Variants in BAHCC1 observed in about 807,000 individuals in gnomAD.
The protein encoded by BAHCC1 is BAH domain and coiled-coil containing 1.
BAHCC1 carries 43 observed loss-of-function variants against 88.2 expected under a neutral mutation model. That is an observed-to-expected ratio of 0.49 (90% confidence interval 0.38 to 0.63). The LOEUF is 0.63. BAHCC1 is among the 20% of genes least tolerant of loss of function. BAHCC1 has a pLI of 0.00. For missense variants in BAHCC1, 3,023 were observed against 1,654.8 expected, an observed-to-expected ratio of 1.83 and a Z score of -14.34; for synonymous variants, 1,510 against 745.5, an observed-to-expected ratio of 2.03 and a Z score of -16.71.
Position 81,458,441 on chromosome 17 carries a change from G to A in BAHCC1, c.5318G>A (p.Gly1773Asp). The change falls in exon 18 of 28, where the codon GGC (glycine) becomes GAC (aspartate). Residue 1773 changes from glycine (G) to aspartate (D), a missense_variant. Transcript: ENST00000675386. ...SERLKRATRK[G>D]TVLQPVLRRK... is the part of the protein sequence containing the mutation. ...CGCCTCAAGAGGGCCACGCGCAAGG[G>A]CACAGTGCTGCAGCCAGTGCTGCGG... The A allele has an allele frequency of 1.4e-6, 1 of 731,566 alleles. No individual in the cohort carries two copies. Among genetic ancestry groups the A allele is most frequent in the Non-Finnish European group, 2.5e-6 (1 of 397,366 alleles). The allele number at this position is 731,566 out of a possible 1,614,324, so 45.3% of individuals were successfully genotyped here. A position where few individuals can be genotyped will look rare whatever the true frequency, so the allele number is the denominator to read the frequency against.
intron 3 of BAHCC1, among the ~76,000 whole-genome samples, chr17:81,436,542 G>A (rs1204665825): frequency 5.3e-5 from 8 of 152,262 alleles, no homozygotes; most frequent in Non-Finnish European, 1.0e-4. Flanking sequence ...AGCTGTGGAG[G>A]TTTAACAGTA....
chr17:81,430,371 A>G (rs995620952), intron 3 of BAHCC1, among the ~76,000 whole-genome samples: 1 of 151,990 alleles, frequency 6.6e-6, no homozygotes, highest in Non-Finnish European at 1.5e-5. Context: ...GGGGGGAGCC[A>G]TGGGGGCGGC....
intron 14 of BAHCC1, among the ~76,000 whole-genome samples, chr17:81,454,490 A>T (rs1433309975): frequency 6.6e-6 from 1 of 152,140 alleles, no homozygotes; most frequent in Non-Finnish European, 1.5e-5. Flanking sequence ...GAGCCCGGCA[A>T]CGGGGTCCCT....
At chr17:81,443,785 G>A (rs113391801) in intron 5 of BAHCC1, 24 bp from the exon 6 acceptor site, 54,417 of 706,786 alleles carry the variant, frequency 0.077, 2,509 homozygotes, top group Middle Eastern at 0.1. Flanking sequence ...ACCCTCTCCC[G>A]TCTGCTGTCT....
intron 2 of BAHCC1, among the ~76,000 whole-genome samples, chr17:81,415,762 C>G (rs2064012609): frequency 6.6e-6 from 1 of 152,254 alleles, no homozygotes; most frequent in African/African-American, 2.4e-5. Context: ...GCTGTCCCTG[C>G]TCCCTGACCT....
Position 81,456,485 on chromosome 17 carries a change from G to C in BAHCC1, c.4758G>C (p.Lys1586Asn). The change falls in exon 16 of 28, where the codon AAG (lysine) becomes AAC (asparagine). Residue 1586 changes from lysine to asparagine, a missense_variant. Coordinates refer to ENST00000675386, the MANE Select transcript of BAHCC1 (RefSeq NM_001377448.1). ...AGCTGTCCCGAGCCAAGAGTGCCAA[G>C]GTGTCTGGGGCCACACGGCACCCAC... ...REKLSRAKSA[K>N]VSGATRHPQP... 1.4e-6 allele frequency: 1 copy of C among 720,380 alleles called. No individual in the cohort carries two copies. Among genetic ancestry groups the C allele is most frequent in the Non-Finnish European group, 2.6e-6 (1 of 386,980 alleles). 44.6% of individuals were successfully genotyped at this position (720,380 alleles called of 1,614,324 possible).
At chr17:81,419,940 C>T (rs2064096032) in intron 2 of BAHCC1, among the ~76,000 whole-genome samples, 1 of 152,198 alleles carries the variant, frequency 6.6e-6, no homozygotes, top group African/African-American at 2.4e-5. Context: ...TCCTCTTGTT[C>T]CGTCTGCCTT....
chr17:81,464,218 T>A lies in BAHCC1; in HGVS notation c.*401T>A, dbSNP rs1187753407. The A allele has an allele frequency of 1.9e-5, 5 of 267,816 alleles. No individual in the cohort carries two copies. Among genetic ancestry groups the A allele is most frequent in the African/African-American group, 6.5e-5 (3 of 45,976 alleles). The allele number at this position is 267,816 out of a possible 1,614,324, so 16.6% of individuals were successfully genotyped here. The stretch of plus-strand genomic sequence containing the variant: ...TTTATTTCTCTATGTAAATATTGTA[T>A]TTCTGCGGGGAAATTTTATGGTAAA... On this transcript the variant is annotated 3_prime_UTR_variant, in exon 28 of 28. Transcript: ENST00000675386.
Position 81,447,060 on chromosome 17 carries a change from C to T in BAHCC1, c.3188C>T (p.Pro1063Leu), listed in dbSNP as rs2064542434. 2 of 779,400 alleles carry T rather than the reference C, an allele frequency of 2.6e-6. No individual in the cohort carries two copies. Among genetic ancestry groups the T allele is most frequent in the East Asian group, 4.8e-5 (2 of 41,250 alleles). 48.3% of individuals were successfully genotyped at this position (779,400 alleles called of 1,614,324 possible). Residue 1063 changes from proline to leucine, a missense_variant, in exon 11 of 28, where the codon CCC becomes CTC. Physicochemically the swap from Pro to Leu is moderately conservative, Grantham distance 98. Transcript: ENST00000675386. ...EPDLPPGYLR[P>L]MAGLGFSLPS... The stretch of plus-strand genomic sequence containing the variant: ...GACCTGCCTCCCGGATACCTGCGCC[C>T]CATGGCTGGCCTGGGCTTCTCCCTA...
In BAHCC1 at chr17:81,458,911, C is replaced by G. The variant is rs199934043; in HGVS notation, c.5547C>G (p.Asp1849Glu). The G allele has an allele frequency of 7.0e-5, 54 of 770,986 alleles. No individual in the cohort carries two copies. Among genetic ancestry groups the G allele is most frequent in the Non-Finnish European group, 1.1e-4 (45 of 412,578 alleles). 47.8% of individuals were successfully genotyped at this position (770,986 alleles called of 1,614,324 possible). Reference sequence around the variant, plus strand: ...GCAGCTTCTCGGAAGAGGAGGAGGACGAGGAGGAAGAGGAGGAGGACAGCG... The same window carrying G: ...GCAGCTTCTCGGAAGAGGAGGAGGAGGAGGAGGAAGAGGAGGAGGACAGCG... ...DNSSFSEEEEDEEEEEEDSGP... is the reference protein window; with the variant it reads ...DNSSFSEEEEEEEEEEEDSGP... The change falls in exon 20 of 28, where the codon GAC becomes GAG. Residue 1849 changes from aspartate (D) to glutamate (E), a missense_variant. Transcript: ENST00000675386.
At position 81,451,758 on chromosome 17, in the gene BAHCC1, G is replaced by A. The variant is rs782393100; in HGVS notation, c.4067G>A (p.Ser1356Asn). ...CTGGTGGAGGCCGCTGGCCTGGACA[G>A]CTCCACTGCCCCAGCGCAGCCGCCC... ...WSLVEAAGLD[S>N]STAPAQPPTA... The change falls in exon 12 of 28, where the codon AGC becomes AAC. Residue 1356 changes from serine to asparagine, a missense_variant. Transcript: ENST00000675386. The A allele has an allele frequency of 3.9e-6, 3 of 772,416 alleles. No homozygotes were observed. In the South Asian group the frequency reaches 4.0e-5, roughly 10 times the overall value. The allele number at this position is 772,416 out of a possible 1,614,324, so 47.8% of individuals were successfully genotyped here.
At chr17:81,412,415 G>T (rs2063965725) in intron 2 of BAHCC1, among the ~76,000 whole-genome samples, 1 of 152,254 alleles carries the variant, frequency 6.6e-6, no homozygotes, top group African/African-American at 2.4e-5. Flanking sequence ...AATTCAAAAA[G>T]TGTATGTGAG....
chr17:81,418,810 C>CGTGTGTGT (rs70938163), intron 2 of BAHCC1, among the ~76,000 whole-genome samples: 4,950 of 146,376 alleles, frequency 0.034, 94 homozygotes, highest in Middle Eastern at 0.049. Context: ...TGTGTGTGTA[C>CGTGTGTGT]GTGTGTGTGT....
chr17:81,414,997 C>G (rs1289752506), intron 2 of BAHCC1, among the ~76,000 whole-genome samples: 2 of 152,232 alleles, frequency 1.3e-5, no homozygotes, highest in Non-Finnish European at 2.9e-5. Context: ...CCCCGGCGTA[C>G]TGTCCTCGCC....
chr17:81,403,008 C>CT (rs2063835712), intron 2 of BAHCC1: 1 of 152,226 alleles, frequency 6.6e-6, no homozygotes, highest in African/African-American at 2.4e-5. Flanking sequence ...GATTTTGTCT[C>CT]TAATACAGAT....
At chr17:81,407,377 G>A (rs782547659) in intron 2 of BAHCC1, 18 of 520,072 alleles carry the variant, frequency 3.5e-5, no homozygotes, top group East Asian at 1.6e-4. Flanking sequence ...AAGGGAAGTC[G>A]GGTCTCAGTG....
rs558914257 is a variant in BAHCC1, at chr17:81,421,311, G to A, written c.179-5489G>A. Among the ~76,000 whole-genome samples, 6 of 152,384 alleles carry A rather than the reference G, an allele frequency of 3.9e-5. No individual in the cohort carries two copies. The South Asian group carries it at 6.2e-4, about 16-fold the overall frequency. On this transcript the variant is annotated intron_variant, in intron 2 of 27. Transcript: ENST00000675386. ...CGGCTCCCAGGCAGCTGAGGCACAG[G>A]CTCTGTCTGGGGTTGGCCACTGGTC...
Position 81,445,024 on chromosome 17 carries a change from T to C in BAHCC1, c.2681T>C (p.Met894Thr). 2.6e-6 allele frequency: 2 copies of C among 762,808 alleles called. No homozygotes were observed. Among genetic ancestry groups the C allele is most frequent in the Non-Finnish European group, 4.9e-6 (2 of 412,184 alleles). The allele number at this position is 762,808 out of a possible 1,614,324, so 47.3% of individuals were successfully genotyped here. Residue 894 changes from methionine (M) to threonine (T), a missense_variant, in exon 9 of 28, where the codon ATG (methionine) becomes ACG (threonine). By Grantham distance (81) the Met-to-Thr change is moderately conservative. Transcript: ENST00000675386. ...HSAPHALADV[M>T]DQASLWPPMY... is the part of the protein sequence containing the mutation. ...TGGGCCCTGCCCACAGCGGATGTCATGGACCAGGCGTCACTGTGGCCCCCC... is the reference window on the plus strand; with the variant it reads ...TGGGCCCTGCCCACAGCGGATGTCACGGACCAGGCGTCACTGTGGCCCCCC...
rs781952131 is a variant in BAHCC1, at chr17:81,411,514, G to GCCTTCCTT, written c.178+11650_178+11657dup. 6.1e-3 allele frequency: 1,137 copies of GCCTTCCTT among 185,432 alleles called. 10 individuals are homozygous for GCCTTCCTT. Among genetic ancestry groups the GCCTTCCTT allele is most frequent in the South Asian group, 0.01 (325 of 31,516 alleles). 11.5% of individuals were successfully genotyped at this position (185,432 alleles called of 1,614,324 possible). A position where few individuals can be genotyped will look rare whatever the true frequency, so the allele number is the denominator to read the frequency against. ...TGCCTGCCTGCCTGCCTGCCTGCCT[G>GCCTTCCTT]CCTTCCTTCCTTCCTTCCTTCCTTC... On this transcript the variant is annotated intron_variant, in intron 2 of 27. Coordinates refer to ENST00000675386, the MANE Select transcript of BAHCC1 (RefSeq NM_001377448.1). This position sits in a 1 kb window ranked among gnomAD's most constrained non-coding sequence, Gnocchi z 6.2.
Sources: allele counts gnomAD v4.1 joint callset (sites outside exome capture counted in the v4.1 genomes callset), GRCh38; gene constraint gnomAD v4.1.1; non-coding constraint Gnocchi (gnomAD v3.1); transcripts MANE v1.5; gene names NCBI Gene and HGNC (gene_info 2026-07-23, HGNC 2026-07-21).